The following ASAP1 variants were observed in gnomAD, a reference collection of about 807,000 sequenced individuals.
The protein encoded by ASAP1 is arf-GAP with SH3 domain, ANK repeat and PH domain-containing protein 1.
A neutral mutation model predicts 145.2 loss-of-function variants in ASAP1; 43 were observed. The observed-to-expected ratio is 0.30, with a 90% confidence interval of 0.23 to 0.38. ASAP1 has a LOEUF of 0.38. Among genes scored for constraint, ASAP1 ranks in the 10% least tolerant of loss-of-function variants. The pLI, the probability that ASAP1 is intolerant of heterozygous loss-of-function variation, is 1.00. For missense variants in ASAP1, 1,018 were observed against 1,355.3 expected (o/e 0.75, Z 3.91); for synonymous variants, 546 against 515.5 (o/e 1.06, Z -0.80).
chr8:130,377,025 T>C (rs569600080), intron 2 of ASAP1, among the ~76,000 whole-genome samples: 1 of 150,898 alleles, frequency 6.6e-6, no homozygotes, highest in Non-Finnish European at 1.5e-5. Flanking sequence ...CATCTCAGAG[T>C]TGAATGGACT....
At chr8:130,330,027 T>A (rs576766322) in intron 3 of ASAP1, among the ~76,000 whole-genome samples, 1 of 152,334 alleles carries the variant, frequency 6.6e-6, no homozygotes, top group South Asian at 2.1e-4. Context: ...ACAGTTGTAA[T>A]CTAATTCCTC....
At chr8:130,384,061 C>A (rs1827900807) in intron 2 of ASAP1, among the ~76,000 whole-genome samples, 1 of 152,162 alleles carries the variant, frequency 6.6e-6, no homozygotes, top group African/African-American at 2.4e-5. Context: ...ATAGGGGAAG[C>A]CAGAGTCCTG....
intron 4 of ASAP1, among the ~76,000 whole-genome samples, chr8:130,219,360 G>A (rs895441593): frequency 2.6e-5 from 4 of 152,162 alleles, no homozygotes; most frequent in African/African-American, 9.7e-5. Flanking sequence ...CATGATTCTG[G>A]TGGAGGAAAT....
chr8:130,269,099 G>T (rs1820439654), intron 3 of ASAP1, among the ~76,000 whole-genome samples: 2 of 152,152 alleles, frequency 1.3e-5, no homozygotes, highest in Admixed American at 1.3e-4. Flanking sequence ...TTTTAAAGAA[G>T]TGTACTTGAA....
intron 3 of ASAP1, among the ~76,000 whole-genome samples, chr8:130,240,517 T>C (rs1412668823): frequency 6.6e-6 from 1 of 152,110 alleles, no homozygotes. Context: ...ATGTCATATA[T>C]GTAAAATTAA....
chr8:130,152,513 T>A, intron 13 of ASAP1: 1 of 368,264 alleles, frequency 2.7e-6, no homozygotes, highest in Non-Finnish European at 4.8e-6. Flanking sequence ...AAATACCGTA[T>A]TCATTTTGAG....
intron 4 of ASAP1, among the ~76,000 whole-genome samples, chr8:130,219,224 A>G (rs1817138649): frequency 6.6e-6 from 1 of 152,060 alleles, no homozygotes; most frequent in African/African-American, 2.4e-5. Flanking sequence ...ACTGTATTAT[A>G]AAGTTAGTAA....
chr8:130,435,355 A>G (rs1038653497), intron 1 of ASAP1, among the ~76,000 whole-genome samples: 26 of 152,110 alleles, frequency 1.7e-4, no homozygotes, highest in African/African-American at 5.6e-4. Flanking sequence ...CTTTCTTCTG[A>G]AATGTTTATT....
chr8:130,365,348 C>A (rs1361569285), intron 2 of ASAP1, among the ~76,000 whole-genome samples: 8 of 152,154 alleles, frequency 5.3e-5, no homozygotes, highest in Non-Finnish European at 1.2e-4. Context: ...CTTGTGGGCC[C>A]CCATAAATGT....
At chr8:130,359,605 G>A (rs1457889254) in intron 2 of ASAP1, among the ~76,000 whole-genome samples, 1 of 147,008 alleles carries the variant, frequency 6.8e-6, no homozygotes, top group East Asian at 2.0e-4. Flanking sequence ...TTGGGCTTCT[G>A]CCATCTTGCA....
At chr8:130,276,728 A>ACTCTCTCTCTCTCTCTCTCTCT (rs10678909) in intron 3 of ASAP1, among the ~76,000 whole-genome samples, 6 of 87,272 alleles carry the variant, frequency 6.9e-5, no homozygotes, top group African/African-American at 8.8e-5. Flanking sequence ...ACACACACAC[A>ACTCTCTCTCTCTCTCTCTCTCT]CTCTCTCTCT....
At chr8:130,118,278 A>T (rs759282980) in intron 19 of ASAP1, 32 bp from the exon 20 acceptor site, 9 of 1,600,760 alleles carry the variant, frequency 5.6e-6, no homozygotes, top group Non-Finnish European at 6.0e-6. Flanking sequence ...TAAGTAAGTC[A>T]ATAATATGCT....
intron 5 of ASAP1, among the ~76,000 whole-genome samples, chr8:130,204,778 G>A (rs1816097731): frequency 6.6e-6 from 1 of 152,190 alleles, no homozygotes; most frequent in Admixed American, 6.5e-5. Flanking sequence ...TGTCACACGA[G>A]AAGAAAATAA....
intron 18 of ASAP1, among the ~76,000 whole-genome samples, chr8:130,123,308 T>C (rs1190291999): frequency 6.6e-6 from 1 of 152,228 alleles, no homozygotes; most frequent in African/African-American, 2.4e-5. Context: ...TGAGACAGAA[T>C]GTCAGTTTCC....
At chr8:130,382,168 C>T (rs938409712) in intron 2 of ASAP1, among the ~76,000 whole-genome samples, 1 of 151,566 alleles carries the variant, frequency 6.6e-6, no homozygotes, top group Admixed American at 6.6e-5. Context: ...CGCCTGTAGT[C>T]CCAGCTACTC....
chr8:130,321,175 C>A (rs766245903), intron 3 of ASAP1, among the ~76,000 whole-genome samples: 1 of 151,914 alleles, frequency 6.6e-6, no homozygotes, highest in South Asian at 2.1e-4. Flanking sequence ...CTCCTGCCCC[C>A]AAAAAAACAT....
At chr8:130,231,318 T>C (rs1283619186) in intron 4 of ASAP1, among the ~76,000 whole-genome samples, 2 of 152,224 alleles carry the variant, frequency 1.3e-5, no homozygotes, top group Non-Finnish European at 2.9e-5. Flanking sequence ...AAACTGTTTA[T>C]AACAATTTAG....
chr8:130,215,502 G>A (rs185207842), intron 4 of ASAP1, among the ~76,000 whole-genome samples: 468 of 152,182 alleles, frequency 3.1e-3, no homozygotes, highest in Middle Eastern at 6.8e-3. Context: ...CCAGCACTTT[G>A]GGAGGCCAAG....
chr8:130,308,284 G>A (rs1344592888), intron 3 of ASAP1, among the ~76,000 whole-genome samples: 2 of 152,068 alleles, frequency 1.3e-5, no homozygotes, highest in Non-Finnish European at 2.9e-5. Context: ...CTCCAAACTC[G>A]AAAATAACCC....
Sources: gnomAD v4.1 joint callset for allele counts (sites outside exome capture counted in the v4.1 genomes callset) on GRCh38, gnomAD v4.1.1 for gene constraint, MANE v1.5 for transcripts, NCBI Gene and HGNC (gene_info 2026-07-23, HGNC 2026-07-21) for gene names.